RABL6: variants seen among roughly 807,000 people sequenced by gnomAD.
RABL6 encodes the protein RAB, member RAS oncogene family like 6.
In RABL6, 28 loss-of-function variants were observed where a neutral mutation model predicts 72.9. The observed-to-expected ratio is 0.38, with a 90% CI of 0.28 to 0.53. RABL6 has a LOEUF of 0.53. Ranked by LOEUF, RABL6 falls within the 20% of genes least tolerant of loss-of-function variation. The pLI is 0.80. For missense variants in RABL6, 1,029 were observed against 1,008.4 expected (o/e 1.02, Z -0.28); for synonymous variants, 477 against 421.2 (o/e 1.13, Z -1.62).
intron 1 of RABL6, chr9:136,809,093 C>T (rs948596784): frequency 2.6e-5 from 4 of 152,300 alleles, no homozygotes; most frequent in East Asian, 1.9e-4. Flanking sequence ...CCTGTTTTGA[C>T]ATTGCTTCCC....
At chr9:136,830,835 G>T (rs1420381778) in intron 5 of RABL6, 5 of 152,528 alleles carry the variant, frequency 3.3e-5, no homozygotes, top group Admixed American at 3.3e-4. Flanking sequence ...GCCTGGGCAG[G>T]CGATGCCTAT....
chr9:136,815,920 A>G (rs1320626445), intron 1 of RABL6, among the ~76,000 whole-genome samples: 1 of 152,202 alleles, frequency 6.6e-6, no homozygotes, highest in Non-Finnish European at 1.5e-5. Flanking sequence ...CCCGTTTAGT[A>G]AAAGAGCAGG....
chr9:136,822,242 T>TG (rs1309385582), intron 1 of RABL6, among the ~76,000 whole-genome samples: 1 of 151,978 alleles, frequency 6.6e-6, no homozygotes, highest in African/African-American at 2.4e-5. Flanking sequence ...CTGACACAGA[T>TG]GGGGGAGCGG....
chr9:136,825,709 AGCTGGACC>A (rs1387556778), intron 2 of RABL6, 62 bp from the exon 3 acceptor site: 60 of 1,534,178 alleles, frequency 3.9e-5, no homozygotes, highest in Non-Finnish European at 5.3e-5. Context: ...CAACCACACC[AGCTGGACC>A]GCTTTGTGCC....
intron 3 of RABL6, chr9:136,828,165 A>G: frequency 3.9e-6 from 1 of 254,810 alleles, no homozygotes; most frequent in Non-Finnish European, 7.6e-6. Flanking sequence ...AGCTGGGGGG[A>G]GGGGGCCCTT....
rs761870518 is a variant in RABL6, at chr9:136,831,734, A to G, written c.472A>G (p.Ile158Val). 2.5e-6 allele frequency: 4 copies of G among 1,613,226 alleles called. No individual in the cohort carries two copies. The highest frequency in any genetic ancestry group is 3.3e-5 in the Admixed American group (2 of 60,012). ...DITKQWTFNY[I>V]LRELPKVPTH... ...CTGTTCTCCGAGGACCTTCAATTAC[A>G]TTCTCCGGGAGCTTCCAAAAGTGCC... The change falls in exon 6 of 15, where the codon ATT (isoleucine) becomes GTT (valine). Residue 158 changes from isoleucine (I) to valine (V), a missense_variant. Physicochemically the swap from Ile to Val is conservative, Grantham distance 29. This residue lies in a region of RABL6 where 434 missense variants were observed against 536.1 expected (regional missense o/e 0.81). Coordinates refer to ENST00000311502, the MANE Select transcript of RABL6 (RefSeq NM_024718.5).
intron 1 of RABL6, chr9:136,813,144 G>C: frequency 2.2e-6 from 1 of 447,498 alleles, no homozygotes. Flanking sequence ...ACAGGCCTTT[G>C]ACAGACAGTT....
At chr9:136,808,492 G>GGA (rs1274331762) in intron 1 of RABL6, 166 bp downstream of exon 1, 4 of 703,048 alleles carry the variant, frequency 5.7e-6, no homozygotes, top group South Asian at 1.2e-4. Context: ...GGGGACGCGA[G>GGA]GAGAGGCCAG....
In RABL6 at chr9:136,837,421, G is replaced by A. The variant is rs376462980; in HGVS notation, c.885G>A (p.Pro295=). ...PLAANGQSPS[P]GSQSPVVPAG... The stretch of plus-strand genomic sequence containing the variant: ...CGGCCAACGGGCAGAGCCCATCCCC[G>A]GGCTCCCAGTCACCAGTGGTGCCTG... The change falls in exon 9 of 15, where the codon CCG becomes CCA. Residue 295 remains proline, a synonymous_variant. Transcript: ENST00000311502. 1.1e-4 allele frequency: 182 copies of A among 1,584,596 alleles called. No individual in the cohort carries two copies. The African/African-American group carries it at 1.9e-3, about 17-fold the overall frequency.
Position 136,837,678 on chromosome 9 carries a change from G to A in RABL6, c.1126+16G>A. 4 of 1,565,732 alleles carry A rather than the reference G, an allele frequency of 2.6e-6. No homozygotes were observed. The highest frequency in any genetic ancestry group is 3.5e-6 in the Non-Finnish European group (4 of 1,156,480). On this transcript the variant is annotated intron_variant, in intron 9 of 14. Transcript: ENST00000311502. ...CCACCTCCAGGTAGGCCCTGGAGCTGCCCCTCCCAAACTGGTCCCAGACCC... is the reference window on the plus strand; with the variant it reads ...CCACCTCCAGGTAGGCCCTGGAGCTACCCCTCCCAAACTGGTCCCAGACCC...
intron 1 of RABL6, among the ~76,000 whole-genome samples, chr9:136,816,723 A>G (rs1848126437): frequency 7.4e-6 from 1 of 135,070 alleles, no homozygotes; most frequent in African/African-American, 2.7e-5. Flanking sequence ...TCTCAAAAAA[A>G]AGGGGGGGGG....
At chr9:136,836,998 C>G in intron 8 of RABL6, 1 of 406,732 alleles carries the variant, frequency 2.5e-6, no homozygotes, top group Non-Finnish European at 4.7e-6. Context: ...CTCAGCCTCC[C>G]AAGTAGCTGG....
At position 136,832,346 on chromosome 9, in the gene RABL6, C is replaced by T. The variant is rs1467887675; in HGVS notation, c.681C>T (p.Phe227=). 7 of 1,613,632 alleles carry T rather than the reference C, an allele frequency of 4.3e-6. No homozygotes were observed. In the East Asian group the frequency reaches 1.6e-4, roughly 36 times the overall value. ...GCCTAAAGTACCTTCATAAGTTCTT[C>T]AATATCCCATTTTTGCAGCTTCAGG... The part of the protein sequence containing the change: ...SFGLKYLHKF[F]NIPFLQLQRE... The change falls in exon 7 of 15, where the codon TTC becomes TTT. Residue 227 remains phenylalanine (F), a synonymous_variant. Transcript: ENST00000311502.
intron 1 of RABL6, chr9:136,809,118 GTA>G: frequency 6.6e-6 from 1 of 152,320 alleles, no homozygotes. Flanking sequence ...AGCCATTTCC[GTA>G]TGTTTCTATG....
At chr9:136,839,888 G>A (rs200808425) in intron 13 of RABL6, 23 bp downstream of exon 13, 384 of 1,604,074 alleles carry the variant, frequency 2.4e-4, no homozygotes, top group Admixed American at 9.4e-4. Context: ...ACCAGAGTGC[G>A]GTCAGCCTGC....
intron 13 of RABL6, 89 bp downstream of exon 13, chr9:136,839,954 C>A (rs1450518756): frequency 1.3e-6 from 2 of 1,523,786 alleles, no homozygotes; most frequent in Non-Finnish European, 1.8e-6. Flanking sequence ...GGCCGGGGTC[C>A]TCTCCTGAGT....
intron 1 of RABL6, chr9:136,821,925 C>T (rs1054043474): frequency 2.3e-6 from 3 of 1,287,802 alleles, no homozygotes; most frequent in East Asian, 5.6e-5. Flanking sequence ...TGGGTCCCCT[C>T]TGGAGGTTTT....
intron 7 of RABL6, chr9:136,834,157 A>G: frequency 7.8e-7 from 1 of 1,277,916 alleles, no homozygotes. Flanking sequence ...GATTGCCTGG[A>G]AGCAAATTTC....
chr9:136,824,326 GTTTTTT>G (rs34760204), intron 2 of RABL6, among the ~76,000 whole-genome samples: 1 of 75,054 alleles, frequency 1.3e-5, no homozygotes, highest in Non-Finnish European at 2.5e-5. Context: ...GTTTGGTTGG[GTTTTTT>G]TTTTTTTTTT....
Sources: gnomAD v4.1 joint callset for allele counts (sites outside exome capture counted in the v4.1 genomes callset) on GRCh38, gnomAD v4.1.1 for gene constraint, gnomAD v4.1.1 regional missense constraint, MANE v1.5 for transcripts, NCBI Gene and HGNC (gene_info 2026-07-23, HGNC 2026-07-21) for gene names.